Variants in SYCP2L observed in about 807,000 individuals in gnomAD.
SYCP2L encodes synaptonemal complex protein 2-like.
Under a neutral mutation model 125.8 loss-of-function variants are expected in SYCP2L, and 98 were observed. The observed-to-expected ratio is 0.78, with a 90% confidence interval of 0.66 to 0.92. SYCP2L has a LOEUF of 0.92. SYCP2L is among the 40% of genes least tolerant of loss of function. The pLI is 0.00. For missense variants in SYCP2L, 842 were observed against 936.4 expected (o/e 0.90, Z 1.32); for synonymous variants, 317 against 325.4 (o/e 0.97, Z 0.28).
chr6:10,967,493 G>GTGTGTGTGTGTA (rs1561704243), intron 29 of SYCP2L, among the ~76,000 whole-genome samples: 4 of 150,330 alleles, frequency 2.7e-5, no homozygotes, highest in Non-Finnish European at 5.9e-5. Flanking sequence ...GTGTGTGTGT[G>GTGTGTGTGTGTA]TGTATTGAGG....
intron 23 of SYCP2L, among the ~76,000 whole-genome samples, chr6:10,953,175 T>A (rs1781441837): frequency 6.6e-6 from 1 of 152,198 alleles, no homozygotes; most frequent in African/African-American, 2.4e-5. Context: ...GAGATCATCC[T>A]TTTTCTTTCT....
In SYCP2L at chr6:10,908,614, A is replaced by G. The variant is rs1261228305; in HGVS notation, c.819+930A>G. Among the ~76,000 whole-genome samples the G allele has an allele frequency of 2.0e-5, 3 of 152,208 alleles. No individual in the cohort carries two copies. The East Asian group carries it at 5.8e-4, about 29-fold the overall frequency. On this transcript the variant is annotated intron_variant, in intron 10 of 29. Coordinates refer to ENST00000283141, the MANE Select transcript of SYCP2L (RefSeq NM_001040274.3). ...GTTAGACTCTTGTAGGAAAAGGTAG[A>G]ATTCTTAATAACAGTACTCATGTTG...
intron 23 of SYCP2L, among the ~76,000 whole-genome samples, chr6:10,945,409 G>C (rs1266324098): frequency 6.6e-6 from 1 of 152,092 alleles, no homozygotes; most frequent in East Asian, 1.9e-4. Flanking sequence ...CGCTATGATT[G>C]TGGATTTGCT....
Position 10,902,896 on chromosome 6 carries a change from AT to A in SYCP2L, c.578del (p.Leu193CysfsTer22), listed in dbSNP as rs1268283732. 3.1e-6 allele frequency: 5 copies of A among 1,614,118 alleles called. No homozygotes were observed. The highest frequency in any genetic ancestry group is 4.2e-6 in the Non-Finnish European group (5 of 1,180,024). ...AAAGGGCTTGAAGACTTTTAACTGC[AT>A]TTTGCACGCTGTCCCTCGAGAAGAG... ...QQEGLKTFNC[I>X]LHAVPREERK... On this transcript the variant is annotated frameshift_variant, in exon 8 of 30. Coordinates refer to ENST00000283141, the MANE Select transcript of SYCP2L (RefSeq NM_001040274.3). LOFTEE classifies it high-confidence loss of function.
At chr6:10,961,078 CAA>C (rs112283703) in intron 26 of SYCP2L, among the ~76,000 whole-genome samples, 100 of 117,608 alleles carry the variant, frequency 8.5e-4, no homozygotes, top group Non-Finnish European at 8.8e-4. Flanking sequence ...AACTCCATCT[CAA>C]AAAAAAAAAA....
chr6:10,935,948 G>A (rs1432827394), intron 21 of SYCP2L, among the ~76,000 whole-genome samples: 1 of 152,286 alleles, frequency 6.6e-6, no homozygotes, highest in Non-Finnish European at 1.5e-5. Flanking sequence ...GGGGGCCAGA[G>A]TTTGCCAACC....
chr6:10,938,184 A>C (rs1166134681), intron 21 of SYCP2L, among the ~76,000 whole-genome samples: 2 of 152,190 alleles, frequency 1.3e-5, no homozygotes, highest in Non-Finnish European at 2.9e-5. Flanking sequence ...AAAACTTACT[A>C]AATAGCACAT....
intron 11 of SYCP2L, 135 bp downstream of exon 11, chr6:10,910,335 C>A: frequency 1.2e-6 from 1 of 801,414 alleles, no homozygotes; most frequent in Non-Finnish European, 2.0e-6. Context: ...CTGAGTTGTC[C>A]ATTGAGTGGA....
chr6:10,972,583 A>G (rs1203638840), intron 29 of SYCP2L, among the ~76,000 whole-genome samples: 1 of 152,246 alleles, frequency 6.6e-6, no homozygotes, highest in Non-Finnish European at 1.5e-5. Flanking sequence ...TAATCACAGC[A>G]TGGCTGTTGT....
intron 10 of SYCP2L, among the ~76,000 whole-genome samples, chr6:10,908,593 G>A (rs963712720): frequency 1.1e-4 from 16 of 152,200 alleles, no homozygotes; most frequent in Non-Finnish European, 5.9e-5. Flanking sequence ...ATGAGGGTTA[G>A]ACTCTTGTAG....
chr6:10,961,187 T>C, intron 26 of SYCP2L, 118 bp from the exon 27 acceptor site: 2 of 784,102 alleles, frequency 2.6e-6, no homozygotes, highest in South Asian at 3.5e-5. Flanking sequence ...CATGTTCCCA[T>C]GACAAGAAAT....
chr6:10,934,084 T>G (rs1315941839), intron 20 of SYCP2L, among the ~76,000 whole-genome samples: 1 of 152,196 alleles, frequency 6.6e-6, no homozygotes, highest in African/African-American at 2.4e-5. Flanking sequence ...CCCTAGGACT[T>G]TAGACAGGCA....
intron 1 of SYCP2L, among the ~76,000 whole-genome samples, chr6:10,888,872 T>C (rs1375801283): frequency 6.6e-6 from 1 of 152,136 alleles, no homozygotes; most frequent in Non-Finnish European, 1.5e-5. Flanking sequence ...TAACACCCTT[T>C]TTTTTTTGAT....
chr6:10,942,569 A>G (rs746876311), intron 22 of SYCP2L, 40 bp downstream of exon 22: 1 of 1,579,058 alleles, frequency 6.3e-7, no homozygotes. Flanking sequence ...ATTTTCCAGA[A>G]TTAATATCAT....
intron 1 of SYCP2L, among the ~76,000 whole-genome samples, chr6:10,889,303 A>G (rs1780135888): frequency 6.6e-6 from 1 of 152,204 alleles, no homozygotes; most frequent in Non-Finnish European, 1.5e-5. Flanking sequence ...ACACATAGTA[A>G]TTGCACATGT....
intron 23 of SYCP2L, 106 bp from the exon 24 acceptor site, chr6:10,955,010 G>C (rs1781476351): frequency 1.3e-6 from 1 of 751,482 alleles, no homozygotes; most frequent in Non-Finnish European, 2.3e-6. Context: ...TTAGCAACAG[G>C]CAGGGGACAA....
intron 6 of SYCP2L, among the ~76,000 whole-genome samples, chr6:10,899,416 C>T (rs1191412504): frequency 6.6e-6 from 1 of 152,002 alleles, no homozygotes; most frequent in Non-Finnish European, 1.5e-5. Context: ...GGTGTGGTGG[C>T]CTGCACCTGT....
chr6:10,961,078 CAAAA>C (rs112283703), intron 26 of SYCP2L, among the ~76,000 whole-genome samples: 3 of 117,680 alleles, frequency 2.5e-5, no homozygotes, highest in Non-Finnish European at 5.5e-5. Flanking sequence ...AACTCCATCT[CAAAA>C]AAAAAAAAAA....
intron 20 of SYCP2L, among the ~76,000 whole-genome samples, chr6:10,932,479 C>T (rs569883993): frequency 3.3e-5 from 5 of 152,238 alleles, no homozygotes; most frequent in East Asian, 1.9e-4. Flanking sequence ...GACAGTGCCC[C>T]GCTTGCTCAT....
Sources: allele counts gnomAD v4.1 joint callset (sites outside exome capture counted in the v4.1 genomes callset), GRCh38; gene constraint gnomAD v4.1.1; transcripts MANE v1.5; gene names NCBI Gene and HGNC (gene_info 2026-07-23, HGNC 2026-07-21).